PRKAR1A: variants seen among roughly 807,000 people sequenced by gnomAD.
PRKAR1A encodes cAMP-dependent protein kinase type I-alpha regulatory subunit.
PRKAR1A carries 3 observed loss-of-function variants against 52.0 expected under a neutral mutation model. That is an observed-to-expected ratio of 0.06 (90% CI 0.03 to 0.15). The LOEUF is 0.15. Among genes scored for constraint, PRKAR1A ranks in the 10% least tolerant of loss-of-function variants. The pLI, the probability that PRKAR1A is intolerant of heterozygous loss-of-function variation, is 1.00. For synonymous variants in PRKAR1A, 188 were observed against 168.4 expected (o/e 1.12, Z -0.90); for missense variants, 240 against 477.4 (o/e 0.50, Z 4.63).
At chr17:68,541,047 C>A in intron 11 of PRKAR1A, 1 of 1,539,322 alleles carries the variant, frequency 6.5e-7, no homozygotes, top group Non-Finnish European at 8.8e-7. Flanking sequence ...CCCCCCAATC[C>A]CTGCCTCCCT....
the PRKAR1A span, among the ~76,000 whole-genome samples, chr17:68,493,898 G>A: frequency 6.6e-6 from 1 of 151,976 alleles, no homozygotes; most frequent in Non-Finnish European, 1.5e-5. Flanking sequence ...GGCCCAACAC[G>A]CAAATTTAAT....
At chr17:68,416,457 T>C in the PRKAR1A span, among the ~76,000 whole-genome samples, 1 of 152,174 alleles carries the variant, frequency 6.6e-6, no homozygotes, top group African/African-American at 2.4e-5. Flanking sequence ...CTGGTGATGT[T>C]TTTGCAATGA....
At chr17:68,489,245 AT>A in the PRKAR1A span, among the ~76,000 whole-genome samples, 1 of 44,698 alleles carries the variant, frequency 2.2e-5, no homozygotes, top group Non-Finnish European at 3.8e-5. Flanking sequence ...GTATATATAT[AT>A]ATATATATAT....
intron 7 of PRKAR1A, chr17:68,527,632 GA>G (rs540623533): frequency 3.1e-4 from 166 of 528,336 alleles, no homozygotes; most frequent in African/African-American, 2.9e-3. Flanking sequence ...AATATTGGCG[GA>G]AAATAAAAAT....
the PRKAR1A span, chr17:68,434,442 T>C: frequency 9.6e-7 from 1 of 1,039,398 alleles, no homozygotes; most frequent in Non-Finnish European, 1.4e-6. Context: ...TTACACTTCC[T>C]CCAGGTGAGT....
intron 11 of PRKAR1A, among the ~76,000 whole-genome samples, chr17:68,549,060 A>G (rs943584148): frequency 6.6e-6 from 1 of 152,172 alleles, no homozygotes; most frequent in African/African-American, 2.4e-5. Flanking sequence ...CTGACCAGGC[A>G]GAGATGTATT....
the PRKAR1A span, among the ~76,000 whole-genome samples, chr17:68,472,441 C>T: frequency 6.6e-6 from 1 of 152,160 alleles, no homozygotes; most frequent in East Asian, 1.9e-4. Context: ...CCAATCAGGG[C>T]CAGTGACTTA....
At chr17:68,436,366 G>C in the PRKAR1A span, 1 of 1,612,482 alleles carries the variant, frequency 6.2e-7, no homozygotes, top group Non-Finnish European at 8.5e-7. Flanking sequence ...GCTCAGCCAG[G>C]TCACCGTCAA....
At chr17:68,508,590 T>C (rs982800956), upstream of PRKAR1A, among the ~76,000 whole-genome samples, 4 of 152,210 alleles carry the variant, frequency 2.6e-5, no homozygotes, top group African/African-American at 9.6e-5. Context: ...ACCTGGGTGA[T>C]GGGATCACTT....
the PRKAR1A span, chr17:68,428,831 G>A: frequency 2.5e-6 from 4 of 1,611,958 alleles, no homozygotes; most frequent in South Asian, 1.1e-5. Context: ...CTCTTCACCT[G>A]TGGGTTTTGA....
chr17:68,436,980 T>G, the PRKAR1A span, among the ~76,000 whole-genome samples: 3 of 132,130 alleles, frequency 2.3e-5, no homozygotes, highest in Non-Finnish European at 3.2e-5. Flanking sequence ...GGCTACAGAG[T>G]GAGACCCCGT....
chr17:68,459,170 T>C, the PRKAR1A span, among the ~76,000 whole-genome samples: 1 of 152,218 alleles, frequency 6.6e-6, no homozygotes, highest in Non-Finnish European at 1.5e-5. Context: ...GTATAAACTA[T>C]CAGAAGTGAA....
intron 2 of PRKAR1A, among the ~76,000 whole-genome samples, chr17:68,520,085 G>A (rs1212947095): frequency 1.3e-5 from 2 of 152,126 alleles, no homozygotes; most frequent in African/African-American, 4.8e-5. Context: ...CTTGTTCTGG[G>A]GCTGAGCAGA....
chr17:68,511,216 C>T (rs115673387), upstream of PRKAR1A, among the ~76,000 whole-genome samples: 938 of 152,166 alleles, frequency 6.2e-3, 15 homozygotes, highest in African/African-American at 0.022. Context: ...TGTGTTGAAT[C>T]CATTATGAAT....
chr17:68,475,574 G>A, the PRKAR1A span, among the ~76,000 whole-genome samples: 20 of 152,202 alleles, frequency 1.3e-4, no homozygotes, highest in East Asian at 1.4e-3. Context: ...AGCGATTCTC[G>A]TGCCTCAGCC....
At chr17:68,545,775 T>C (rs2086526597) in intron 11 of PRKAR1A, among the ~76,000 whole-genome samples, 1 of 152,234 alleles carries the variant, frequency 6.6e-6, no homozygotes, top group Non-Finnish European at 1.5e-5. Context: ...GTTTGCATAA[T>C]ATTCTAAATC....
chr17:68,444,373 T>G, the PRKAR1A span: 1 of 837,700 alleles, frequency 1.2e-6, no homozygotes, highest in Non-Finnish European at 2.0e-6. Flanking sequence ...GAGATAAACC[T>G]CACTAAGACT....
the PRKAR1A span, among the ~76,000 whole-genome samples, chr17:68,415,851 T>C: frequency 6.6e-6 from 1 of 152,222 alleles, no homozygotes; most frequent in Admixed American, 6.5e-5. Flanking sequence ...TTACTTTTGG[T>C]GTTCATTTGC....
At chr17:68,518,585 A>G (rs1393438179) in intron 2 of PRKAR1A, among the ~76,000 whole-genome samples, 3 of 152,192 alleles carry the variant, frequency 2.0e-5, no homozygotes, top group Non-Finnish European at 2.9e-5. Context: ...GAGGCTGCAT[A>G]GTACAGGAGC....
Sources: gnomAD v4.1 joint callset for allele counts (sites outside exome capture counted in the v4.1 genomes callset) on GRCh38, gnomAD v4.1.1 for gene constraint, MANE v1.5 for transcripts, NCBI Gene and HGNC (gene_info 2026-07-23, HGNC 2026-07-21) for gene names.